The following TMEM131 variants were observed in gnomAD, a reference collection of about 807,000 sequenced individuals.
TMEM131 encodes the protein 2610524E03Rik.
A neutral mutation model predicts 211.6 loss-of-function variants in TMEM131; 66 were observed. The observed-to-expected ratio is 0.31, with a 90% CI of 0.26 to 0.38. The LOEUF (loss-of-function observed/expected upper bound fraction) is 0.38, where lower values mean the gene tolerates loss of function less well. Ranked by LOEUF, TMEM131 falls within the 10% of genes least tolerant of loss-of-function variation. TMEM131 has a pLI of 1.00. For missense variants in TMEM131, 2,036 were observed against 2,299.3 expected, an observed-to-expected ratio of 0.89 and a Z score of 2.34; for synonymous variants, 844 against 841.3, an observed-to-expected ratio of 1.00 and a Z score of -0.06.
chr2:97,946,270 A>G (rs1678034748), intron 1 of TMEM131, among the ~76,000 whole-genome samples: 1 of 152,054 alleles, frequency 6.6e-6, no homozygotes, highest in Non-Finnish European at 1.5e-5. Flanking sequence ...AATAAAGAAT[A>G]TAAATCAATA....
chr2:97,920,777 C>T (rs1283627235), intron 2 of TMEM131, among the ~76,000 whole-genome samples: 1 of 151,956 alleles, frequency 6.6e-6, no homozygotes, highest in East Asian at 1.9e-4. Flanking sequence ...AATACCAAAG[C>T]CCCAGAAATA....
intron 1 of TMEM131, among the ~76,000 whole-genome samples, chr2:97,951,138 A>AG (rs1678290910): frequency 6.6e-6 from 1 of 152,170 alleles, no homozygotes; most frequent in Non-Finnish European, 1.5e-5. Flanking sequence ...ATATTGTAAC[A>AG]GGAAAAAAAA....
At chr2:97,954,806 C>CAAAAAAAAAAAAAAAAAAAAA (rs778680522) in intron 1 of TMEM131, among the ~76,000 whole-genome samples, 1 of 37,054 alleles carries the variant, frequency 2.7e-5, no homozygotes, top group Non-Finnish European at 4.7e-5. Flanking sequence ...AACTCCATCT[C>CAAAAAAAAAAAAAAAAAAAAA]AAAAAAAAAA....
chr2:97,818,186 C>T (rs1435747540), intron 12 of TMEM131, among the ~76,000 whole-genome samples: 1 of 152,104 alleles, frequency 6.6e-6, no homozygotes, highest in Non-Finnish European at 1.5e-5. Context: ...ATCTGCTTTG[C>T]CTATAAAAGC....
At chr2:97,916,808 A>T (rs1250957793) in intron 2 of TMEM131, among the ~76,000 whole-genome samples, 9 of 152,098 alleles carry the variant, frequency 5.9e-5, no homozygotes, top group African/African-American at 2.2e-4. Context: ...GTTAGGTTAA[A>T]CTCCCTGCAC....
chr2:97,804,540 G>A (rs949736050), intron 22 of TMEM131, among the ~76,000 whole-genome samples: 5 of 149,492 alleles, frequency 3.3e-5, no homozygotes, highest in African/African-American at 1.2e-4. Flanking sequence ...GCATGTACCT[G>A]TGGTCCCAGC....
intron 9 of TMEM131, 32 bp downstream of exon 9, chr2:97,834,743 A>C (rs751908354): frequency 6.7e-5 from 108 of 1,608,320 alleles, no homozygotes; most frequent in Non-Finnish European, 8.5e-5. Flanking sequence ...TGAAAACAAA[A>C]CAACTTTCGA....
chr2:97,970,897 C>G (rs1679268178), intron 1 of TMEM131, among the ~76,000 whole-genome samples: 1 of 152,186 alleles, frequency 6.6e-6, no homozygotes, highest in Non-Finnish European at 1.5e-5. Context: ...ACTGGCTCTA[C>G]TGACCTACTG....
chr2:97,949,120 T>C (rs1458025866), intron 1 of TMEM131, among the ~76,000 whole-genome samples: 2 of 152,078 alleles, frequency 1.3e-5, no homozygotes, highest in East Asian at 3.8e-4. Flanking sequence ...CAACTCACAT[T>C]CCCATCAACG....
intron 3 of TMEM131, among the ~76,000 whole-genome samples, chr2:97,904,770 C>T (rs2104352061): frequency 6.7e-6 from 1 of 148,646 alleles, no homozygotes; most frequent in Non-Finnish European, 1.5e-5. Context: ...TTCATTCTAT[C>T]TTCGTGACTA....
chr2:97,767,215 A>G (rs560300873), intron 33 of TMEM131, among the ~76,000 whole-genome samples: 1 of 152,266 alleles, frequency 6.6e-6, no homozygotes, highest in African/African-American at 2.4e-5. Context: ...TTTTTTATTG[A>G]TTTATTTAGA....
At chr2:97,817,683 C>T (rs1039955878) in intron 12 of TMEM131, among the ~76,000 whole-genome samples, 1 of 152,202 alleles carries the variant, frequency 6.6e-6, no homozygotes, top group African/African-American at 2.4e-5. Flanking sequence ...CCAGCCCCAC[C>T]TCCGTAGCTG....
chr2:97,889,893 CAA>C (rs1675310998), intron 3 of TMEM131, among the ~76,000 whole-genome samples: 1 of 151,982 alleles, frequency 6.6e-6, no homozygotes, highest in South Asian at 2.1e-4. Flanking sequence ...GTAGGGGGAA[CAA>C]AAGTTGAATA....
chr2:97,840,399 G>A (rs926720136), intron 7 of TMEM131, among the ~76,000 whole-genome samples: 5 of 152,144 alleles, frequency 3.3e-5, no homozygotes, highest in Admixed American at 2.0e-4. Flanking sequence ...GCCCTTCTAC[G>A]GCACAGTGGG....
At chr2:97,757,588 T>G (rs1180204971) in intron 40 of TMEM131, among the ~76,000 whole-genome samples, 1 of 152,150 alleles carries the variant, frequency 6.6e-6, no homozygotes. Flanking sequence ...CAGGCTGGAG[T>G]GCAGTGGTGT....
chr2:97,897,084 C>A (rs562504546), intron 3 of TMEM131, among the ~76,000 whole-genome samples: 1 of 151,974 alleles, frequency 6.6e-6, no homozygotes, highest in African/African-American at 2.4e-5. Flanking sequence ...GTGATTTATG[C>A]CATTGTAAAT....
At position 97,814,296 on chromosome 2, in the gene TMEM131, A is replaced by T; in HGVS notation, c.1385T>A (p.Phe462Tyr). Residue 462 changes from phenylalanine (F) to tyrosine (Y), a missense_variant, in exon 14 of 41, where the codon TTC becomes TAC. Transcript: ENST00000186436. ...VERPIYLTNT[F>Y]SFAILIHDVL... Reference sequence around the variant, plus strand: ...ATCGTGAATGAGGATCGCAAAACTGAAAGTGTTAGTAAGGTAAATTGGCCT... The same window carrying T: ...ATCGTGAATGAGGATCGCAAAACTGTAAGTGTTAGTAAGGTAAATTGGCCT... 1.2e-6 allele frequency: 2 copies of T among 1,613,954 alleles called. No homozygotes were observed. The highest frequency in any genetic ancestry group is 1.1e-5 in the South Asian group (1 of 91,072).
At chr2:97,953,561 T>A (rs1678422678) in intron 1 of TMEM131, among the ~76,000 whole-genome samples, 1 of 152,100 alleles carries the variant, frequency 6.6e-6, no homozygotes, top group African/African-American at 2.4e-5. Context: ...TAAAGCTAAA[T>A]TACAGGTGGA....
chr2:97,761,731 A>C (rs924608404), intron 36 of TMEM131: 4 of 267,430 alleles, frequency 1.5e-5, no homozygotes, highest in South Asian at 1.5e-4. Context: ...GTCTTCATGT[A>C]AGGCTTAGTA....
Sources: allele counts gnomAD v4.1 joint callset (sites outside exome capture counted in the v4.1 genomes callset), GRCh38; gene constraint gnomAD v4.1.1; transcripts MANE v1.5; gene names NCBI Gene and HGNC (gene_info 2026-07-23, HGNC 2026-07-21).